The following KDM7A variants were observed in gnomAD, a reference collection of about 807,000 sequenced individuals.
KDM7A encodes the protein lysine demethylase 7A, also known as lysine-specific demethylase 7A.
KDM7A carries 28 observed loss-of-function variants against 114.8 expected under a neutral mutation model. The ratio of observed to expected loss-of-function variants is 0.24; its 90% CI spans 0.18 to 0.33. The LOEUF (loss-of-function observed/expected upper bound fraction) is 0.33. Ranked by LOEUF, KDM7A falls within the 10% of genes least tolerant of loss-of-function variation. KDM7A has a pLI of 1.00. For synonymous variants in KDM7A, 423 were observed against 397.8 expected (o/e 1.06, Z -0.75); for missense variants, 942 against 1,142.5 (o/e 0.82, Z 2.53).
chr7:140,135,329 G>C (rs547982384), intron 2 of KDM7A, among the ~76,000 whole-genome samples: 14 of 131,536 alleles, frequency 1.1e-4, no homozygotes, highest in Non-Finnish European at 5.0e-5. Flanking sequence ...TCAGCCTCCT[G>C]AGTAGCTGGA....
intron 7 of KDM7A, among the ~76,000 whole-genome samples, chr7:140,124,296 A>G (rs369598764): frequency 1.5e-5 from 1 of 65,446 alleles, no homozygotes; most frequent in Non-Finnish European, 3.4e-5. Flanking sequence ...CTGGAATTAG[A>G]TAGTGGTGAT....
rs1818362956 is a variant in KDM7A at position 140,107,683 on chromosome 7, T to C, written c.1428+3412A>G. ...CTTCCCTTTGTGGGTAACCCGACCT[T>C]TCTCTCTGGCTGCCCTTAACATTTT... On this transcript the variant is annotated intron_variant, in intron 11 of 19. Coordinates refer to ENST00000397560, the MANE Select transcript of KDM7A (RefSeq NM_030647.2). 4.6e-5 allele frequency among the ~76,000 whole-genome samples: 7 copies of C among 152,218 alleles called. No individual in the cohort carries two copies. The South Asian group carries it at 1.4e-3, about 32-fold the overall frequency.
intron 4 of KDM7A, among the ~76,000 whole-genome samples, chr7:140,129,168 C>T (rs1818750107): frequency 6.6e-6 from 1 of 152,182 alleles, no homozygotes; most frequent in African/African-American, 2.4e-5. Flanking sequence ...TACAACCAAT[C>T]CAACTTTCCA....
chr7:140,132,216 T>C (rs943985906), intron 3 of KDM7A, among the ~76,000 whole-genome samples: 2 of 152,206 alleles, frequency 1.3e-5, no homozygotes, highest in South Asian at 4.1e-4. Context: ...TGGTTTGAAA[T>C]GATGTAAAGC....
intron 3 of KDM7A, among the ~76,000 whole-genome samples, chr7:140,131,760 T>C: frequency 6.6e-6 from 1 of 152,210 alleles, no homozygotes; most frequent in Non-Finnish European, 1.5e-5. Context: ...GTGTTTTATT[T>C]CCCCTTTTGA....
At chr7:140,111,051 A>G (rs1562949077) in intron 11 of KDM7A, 44 bp downstream of exon 11, 1 of 1,079,878 alleles carries the variant, frequency 9.3e-7, no homozygotes, top group Admixed American at 1.8e-5. Flanking sequence ...TGCTTCTCAA[A>G]GCAGATAATA....
At chr7:140,135,757 G>C (rs898039112) in intron 2 of KDM7A, among the ~76,000 whole-genome samples, 26 of 151,870 alleles carry the variant, frequency 1.7e-4, no homozygotes, top group African/African-American at 5.1e-4. Flanking sequence ...AGAAATGCTA[G>C]AAAAAAGACC....
rs1416783945 is a variant in KDM7A at position 140,085,388 on chromosome 7, C to G, written c.*5706G>C. 6.6e-6 allele frequency: 1 copy of G among 152,158 alleles called. No individual in the cohort carries two copies. The highest frequency in any genetic ancestry group is 2.4e-5 in the African/African-American group (1 of 41,434). The allele number at this position is 152,158 out of a possible 1,614,324, so 9.4% of individuals were successfully genotyped here. ...CCTCTAAAACCAATACTACCCCTCC[C>G]CATCACCCCCCAAAAAAACTTGCTG... is the stretch of plus-strand genomic sequence containing the variant. On this transcript the variant is annotated 3_prime_UTR_variant, in exon 20 of 20. Transcript: ENST00000397560.
At chr7:140,103,504 C>T (rs1325511087) in intron 11 of KDM7A, among the ~76,000 whole-genome samples, 2 of 151,334 alleles carry the variant, frequency 1.3e-5, no homozygotes, top group Non-Finnish European at 2.9e-5. Context: ...ATGTTCCCCA[C>T]CCTGTGTCCA....
Position 140,135,318 on chromosome 7 carries a change from C to G in KDM7A, c.281-1662G>C, listed in dbSNP as rs1305283574. Reference sequence around the variant, plus strand: ...TCCCAGGTTCCAGCAATTCCCCTGCCTCAGCCTCCTGAGTAGCTGGACTAC... The same window carrying G: ...TCCCAGGTTCCAGCAATTCCCCTGCGTCAGCCTCCTGAGTAGCTGGACTAC... On this transcript the variant is annotated intron_variant, in intron 2 of 19. Transcript: ENST00000397560. Among the ~76,000 whole-genome samples the G allele has an allele frequency of 3.6e-5, 5 of 139,528 alleles. No individual in the cohort carries two copies. The East Asian group carries it at 1.0e-3, about 28-fold the overall frequency. 91.5% of individuals were successfully genotyped at this position (139,528 alleles called of 152,430 possible).
chr7:140,100,222 A>T (rs552709707), intron 12 of KDM7A, among the ~76,000 whole-genome samples, 199 bp from the exon 13 acceptor site: 1 of 152,332 alleles, frequency 6.6e-6, no homozygotes, highest in East Asian at 1.9e-4. Context: ...ATCTTTCTGG[A>T]GGGCCATTAA....
At chr7:140,119,021 C>A (rs1585148769) in intron 9 of KDM7A, 92 bp downstream of exon 9, 2 of 710,592 alleles carry the variant, frequency 2.8e-6, no homozygotes, top group African/African-American at 1.7e-5. Flanking sequence ...CCATACACTA[C>A]TAGAAAAGGG....
chr7:140,157,228 C>T (rs928117683), intron 1 of KDM7A, among the ~76,000 whole-genome samples: 4 of 152,252 alleles, frequency 2.6e-5, no homozygotes, highest in African/African-American at 9.6e-5. Context: ...TAGCAACTCA[C>T]TATGTGACAG....
chr7:140,108,685 G>T (rs762536425), intron 11 of KDM7A, among the ~76,000 whole-genome samples: 1 of 152,212 alleles, frequency 6.6e-6, no homozygotes, highest in African/African-American at 2.4e-5. Flanking sequence ...GCCCTTACTG[G>T]GAGGTGTCTC....
chr7:140,113,766 T>C (rs527517992), intron 9 of KDM7A, among the ~76,000 whole-genome samples, 184 bp from the exon 10 acceptor site: 78 of 152,188 alleles, frequency 5.1e-4, no homozygotes, highest in Non-Finnish European at 9.0e-4. Flanking sequence ...TTACATTCAA[T>C]GTAATTTACT....
chr7:140,126,540 C>G (rs997084376), intron 6 of KDM7A, 97 bp downstream of exon 6: 1 of 660,686 alleles, frequency 1.5e-6, no homozygotes, highest in Non-Finnish European at 2.3e-6. Flanking sequence ...AAAACTTCCC[C>G]CTTTACAAGT....
intron 11 of KDM7A, among the ~76,000 whole-genome samples, chr7:140,110,565 T>C (rs1339174096): frequency 6.6e-6 from 1 of 152,172 alleles, no homozygotes; most frequent in Admixed American, 6.5e-5. Context: ...TCTTGAAGAA[T>C]TACTTTAAAA....
intron 1 of KDM7A, among the ~76,000 whole-genome samples, chr7:140,140,340 T>C (rs1794252168): frequency 6.6e-6 from 1 of 152,204 alleles, no homozygotes; most frequent in South Asian, 2.1e-4. Flanking sequence ...AGGACAAGTA[T>C]TTGATAAAAT....
In KDM7A at chr7:140,143,179, C is replaced by CAAA. The variant is rs201653729; in HGVS notation, c.195-3992_195-3990dup. On this transcript the variant is annotated intron_variant, in intron 1 of 19. Coordinates refer to ENST00000397560, the MANE Select transcript of KDM7A (RefSeq NM_030647.2). The stretch of plus-strand genomic sequence containing the variant: ...CGGGTGACAGAGCAAGACCCCGTCT[C>CAAA]AAAAAAAAAAAAAAAAAAGACATAA... Among the ~76,000 whole-genome samples, 10 of 47,512 alleles carry CAAA rather than the reference C, an allele frequency of 2.1e-4. 1 individual carries two copies. Among genetic ancestry groups the CAAA allele is most frequent in the African/African-American group, 6.9e-4 (9 of 13,054 alleles). 31.2% of individuals were successfully genotyped at this position (47,512 alleles called of 152,430 possible). A position where few individuals can be genotyped will look rare whatever the true frequency, so the allele number is the denominator to read the frequency against.
Sources: gnomAD v4.1 joint callset for allele counts (sites outside exome capture counted in the v4.1 genomes callset) on GRCh38, gnomAD v4.1.1 for gene constraint, MANE v1.5 for transcripts, NCBI Gene and HGNC (gene_info 2026-07-23, HGNC 2026-07-21) for gene names.